Variants in LDLRAD4 observed in about 807,000 individuals in gnomAD.
LDLRAD4 encodes the protein low-density lipoprotein receptor class A domain-containing protein 4.
LDLRAD4 carries 5 observed loss-of-function variants against 17.0 expected under a neutral mutation model. The observed-to-expected ratio is 0.29, with a 90% confidence interval of 0.15 to 0.62. LDLRAD4 has a LOEUF of 0.62. Ranked by LOEUF, LDLRAD4 falls within the 20% of genes least tolerant of loss-of-function variation. The pLI is 0.84. For synonymous variants in LDLRAD4, 168 were observed against 171.8 expected (o/e 0.98, Z 0.17); for missense variants, 340 against 424.7 (o/e 0.80, Z 1.75).
intron 2 of LDLRAD4, among the ~76,000 whole-genome samples, chr18:13,417,384 C>T (rs1417737587): frequency 2.0e-5 from 3 of 151,962 alleles, no homozygotes; most frequent in Non-Finnish European, 2.9e-5. Context: ...GTGGTCTAAA[C>T]CTCTCTATTT....
chr18:13,462,688 C>T (rs34691258), intron 3 of LDLRAD4, among the ~76,000 whole-genome samples: 6 of 152,154 alleles, frequency 3.9e-5, no homozygotes, highest in African/African-American at 9.7e-5. Flanking sequence ...TATATCAATG[C>T]GGAAGGTGGG....
intron 2 of LDLRAD4, among the ~76,000 whole-genome samples, chr18:13,430,850 C>T (rs1318145467): frequency 6.6e-6 from 1 of 152,206 alleles, no homozygotes; most frequent in African/African-American, 2.4e-5. Flanking sequence ...TTCTCCGCTG[C>T]CCTCCAGGAT....
exon 6 of LDLRAD4, chr18:13,651,118 T>TATC (rs2043228602): frequency 6.6e-6 from 1 of 152,254 alleles, no homozygotes; most frequent in African/African-American, 2.4e-5. Flanking sequence ...CTCCTGCATC[T>TATC]ATCTCCTGCT....
At chr18:13,384,485 C>G (rs756706623) in intron 1 of LDLRAD4, among the ~76,000 whole-genome samples, 1 of 152,176 alleles carries the variant, frequency 6.6e-6, no homozygotes, top group Non-Finnish European at 1.5e-5. Context: ...ACTGTGGTCA[C>G]CATGCAATGC....
At chr18:13,472,167 C>G (rs1039758982) in intron 3 of LDLRAD4, 1 of 152,274 alleles carries the variant, frequency 6.6e-6, no homozygotes, top group Non-Finnish European at 1.5e-5. Flanking sequence ...CCAGCCGGGG[C>G]TTGGCCATGG....
Position 13,645,464 on chromosome 18 carries a change from G to A in LDLRAD4, c.728G>A (p.Ser243Asn). ...TCGGGCATCAGTGCAAGCACCTGCA[G>A]CAGTAACGGGAGGATGGAGGGGCCA... The change falls in exon 6 of 6, where the codon AGC becomes AAC. Residue 243 changes from serine (S) to asparagine (N), a missense_variant. By Grantham distance (46) the Ser-to-Asn change is conservative. Coordinates refer to ENST00000359446, the Ensembl canonical transcript of LDLRAD4. This position sits in a 1 kb window ranked among gnomAD's most constrained non-coding sequence, Gnocchi z 5.7. The A allele has an allele frequency of 6.2e-7, 1 of 1,612,746 alleles. No individual in the cohort carries two copies. The highest frequency in any genetic ancestry group is 1.7e-4 in the Middle Eastern group (1 of 6,060).
At chr18:13,345,424 G>A (rs1480373428) in intron 1 of LDLRAD4, among the ~76,000 whole-genome samples, 1 of 152,182 alleles carries the variant, frequency 6.6e-6, no homozygotes, top group Admixed American at 6.5e-5. Context: ...GCATCCCAGG[G>A]ATGAAGCCCA....
At chr18:13,551,174 T>C (rs1325633686) in intron 3 of LDLRAD4, among the ~76,000 whole-genome samples, 1 of 152,136 alleles carries the variant, frequency 6.6e-6, no homozygotes, top group South Asian at 2.1e-4. Flanking sequence ...CAAAATAGTG[T>C]CATCGGGTGC....
At chr18:13,466,705 C>T (rs575414490) in intron 3 of LDLRAD4, among the ~76,000 whole-genome samples, 10 of 152,268 alleles carry the variant, frequency 6.6e-5, no homozygotes, top group African/African-American at 2.2e-4. Context: ...TACGAGGTGG[C>T]CTGTAAACAA....
intron 3 of LDLRAD4, chr18:13,542,287 C>G (rs765699480): frequency 1.2e-4 from 19 of 152,230 alleles, no homozygotes; most frequent in Admixed American, 1.2e-3. Flanking sequence ...GTTGCATCAT[C>G]GTGAAGCTTA....
chr18:13,436,541 A>AG (rs2090670333), intron 2 of LDLRAD4, among the ~76,000 whole-genome samples: 1 of 152,246 alleles, frequency 6.6e-6, no homozygotes, highest in Non-Finnish European at 1.5e-5. Context: ...TTAGCAACAC[A>AG]GGGAGTACCT....
At chr18:13,633,903 C>T (rs143240837) in intron 4 of LDLRAD4, among the ~76,000 whole-genome samples, 27 of 152,312 alleles carry the variant, frequency 1.8e-4, no homozygotes, top group Admixed American at 1.4e-3. Context: ...TCACCGGCTC[C>T]GTGGAGCACA....
intron 2 of LDLRAD4, among the ~76,000 whole-genome samples, chr18:13,433,912 A>G (rs545243946): frequency 6.6e-6 from 1 of 152,338 alleles, no homozygotes; most frequent in South Asian, 2.1e-4. Context: ...AATGACCTTC[A>G]GGACAAAAAA....
intron 1 of LDLRAD4, among the ~76,000 whole-genome samples, chr18:13,296,058 T>C (rs1308456766): frequency 1.3e-5 from 2 of 152,258 alleles, no homozygotes; most frequent in African/African-American, 4.8e-5. Flanking sequence ...ACCAGCGCTC[T>C]TGCCTCTTCC....
chr18:13,414,537 G>A (rs965456737), intron 2 of LDLRAD4, among the ~76,000 whole-genome samples: 1 of 152,232 alleles, frequency 6.6e-6, no homozygotes, highest in Admixed American at 6.5e-5. Context: ...ACGATTAACT[G>A]GAGAATATGC....
intron 3 of LDLRAD4, chr18:13,490,198 T>C (rs1340965340): frequency 6.6e-6 from 1 of 152,228 alleles, no homozygotes; most frequent in African/African-American, 2.4e-5. Context: ...CCTTCAGCTA[T>C]GTTTATAACT....
At chr18:13,512,842 T>C (rs1191418512) in intron 3 of LDLRAD4, among the ~76,000 whole-genome samples, 1 of 152,218 alleles carries the variant, frequency 6.6e-6, no homozygotes, top group African/African-American at 2.4e-5. Context: ...GGATTTCACA[T>C]TTTGCTTGAA....
At chr18:13,555,395 C>G (rs1422457722) in intron 3 of LDLRAD4, among the ~76,000 whole-genome samples, 1 of 152,144 alleles carries the variant, frequency 6.6e-6, no homozygotes. Context: ...TAAAATGAGT[C>G]ACAGCCTACC....
intron 3 of LDLRAD4, among the ~76,000 whole-genome samples, chr18:13,584,929 G>T (rs111485469): frequency 6.6e-5 from 10 of 152,190 alleles, no homozygotes; most frequent in Non-Finnish European, 1.5e-4. Flanking sequence ...TGCTGCCCAC[G>T]TAGGCAATTA....
Sources: gnomAD v4.1 joint callset for allele counts (sites outside exome capture counted in the v4.1 genomes callset) on GRCh38, gnomAD v4.1.1 for gene constraint, Gnocchi (gnomAD v3.1) non-coding constraint, MANE v1.5 for transcripts, NCBI Gene and HGNC (gene_info 2026-07-23, HGNC 2026-07-21) for gene names.